The following LRRTM4 variants were observed in gnomAD, a reference collection of about 807,000 sequenced individuals.
The protein encoded by LRRTM4 is leucine-rich repeat transmembrane neuronal protein 4.
A neutral mutation model predicts 47.6 loss-of-function variants in LRRTM4; 25 were observed. The observed-to-expected ratio is 0.53, with a 90% confidence interval of 0.38 to 0.73. The LOEUF is 0.73. Among genes scored for constraint, LRRTM4 ranks in the 30% least tolerant of loss-of-function variants. The pLI is 0.00. For synonymous variants in LRRTM4, 311 were observed against 269.5 expected (o/e 1.15, Z -1.51); for missense variants, 638 against 713.4 (o/e 0.89, Z 1.20).
At chr2:77,246,136 A>G (rs1435356613) in intron 3 of LRRTM4, among the ~76,000 whole-genome samples, 1 of 152,194 alleles carries the variant, frequency 6.6e-6, no homozygotes, top group African/African-American at 2.4e-5. Flanking sequence ...AGATATAAAC[A>G]TTTGCAAGTG....
intron 3 of LRRTM4, among the ~76,000 whole-genome samples, chr2:77,474,551 T>C (rs1677311668): frequency 1.3e-5 from 2 of 152,132 alleles, no homozygotes; most frequent in South Asian, 4.1e-4. Context: ...AAAACTTGTA[T>C]AAATTAAATT....
At chr2:77,409,199 G>A (rs1425086958) in intron 3 of LRRTM4, among the ~76,000 whole-genome samples, 3 of 141,224 alleles carry the variant, frequency 2.1e-5, no homozygotes, top group South Asian at 2.4e-4. Context: ...ATACAACATC[G>A]TTTATTCAGT....
chr2:77,385,726 A>G (rs978413942), intron 3 of LRRTM4, among the ~76,000 whole-genome samples: 3 of 144,308 alleles, frequency 2.1e-5, no homozygotes, highest in Admixed American at 6.9e-5. Context: ...TAATATATTT[A>G]TGTAGTACAT....
chr2:77,057,173 T>C (rs1443303721), intron 3 of LRRTM4, among the ~76,000 whole-genome samples: 1 of 152,196 alleles, frequency 6.6e-6, no homozygotes, highest in African/African-American at 2.4e-5. Flanking sequence ...ACATATACCA[T>C]GGTTCAGAAA....
At chr2:76,899,398 T>C (rs573599900) in intron 3 of LRRTM4, among the ~76,000 whole-genome samples, 1 of 150,790 alleles carries the variant, frequency 6.6e-6, no homozygotes, top group African/African-American at 2.4e-5. Flanking sequence ...TAAATACTAT[T>C]GAGAGGTAGG....
intron 3 of LRRTM4, among the ~76,000 whole-genome samples, chr2:77,327,613 T>C (rs1670825345): frequency 6.6e-6 from 1 of 152,152 alleles, no homozygotes; most frequent in African/African-American, 2.4e-5. Flanking sequence ...TTCTTATTCT[T>C]TTATGTAATT....
intron 3 of LRRTM4, among the ~76,000 whole-genome samples, chr2:77,039,145 AT>A (rs1284826362): frequency 1.3e-5 from 2 of 151,334 alleles, no homozygotes; most frequent in Non-Finnish European, 1.5e-5. Context: ...AAAATAAGAT[AT>A]TACATACCTA....
chr2:76,864,907 T>A (rs961274289), intron 3 of LRRTM4, among the ~76,000 whole-genome samples: 6 of 137,598 alleles, frequency 4.4e-5, no homozygotes, highest in Admixed American at 1.4e-4. Context: ...TTTTTTTTTT[T>A]AATTTTTTTT....
intron 3 of LRRTM4, among the ~76,000 whole-genome samples, chr2:76,952,408 G>C (rs1396773984): frequency 6.6e-6 from 1 of 151,876 alleles, no homozygotes; most frequent in Admixed American, 6.6e-5. Flanking sequence ...CTCAAAAGAA[G>C]GCATACGTGT....
intron 3 of LRRTM4, among the ~76,000 whole-genome samples, chr2:77,270,984 A>C (rs1351664223): frequency 6.6e-6 from 1 of 152,208 alleles, no homozygotes; most frequent in Non-Finnish European, 1.5e-5. Context: ...CCCCAGGCTC[A>C]GTCGGTAGAG....
chr2:76,874,182 T>C (rs1672716175), intron 3 of LRRTM4, among the ~76,000 whole-genome samples: 1 of 151,928 alleles, frequency 6.6e-6, no homozygotes, highest in Admixed American at 6.6e-5. Context: ...TCACTCTGTG[T>C]CTGCCTAAAT....
intron 3 of LRRTM4, among the ~76,000 whole-genome samples, chr2:77,200,656 T>C (rs1324763128): frequency 2.0e-5 from 3 of 152,112 alleles, no homozygotes; most frequent in African/African-American, 7.2e-5. Flanking sequence ...CTTCACTCAT[T>C]ATTTTTTTCA....
At position 77,099,504 on chromosome 2, in the gene LRRTM4, A is replaced by C. The variant is rs1386268067; in HGVS notation, c.1552-350588T>G. 2.6e-5 allele frequency among the ~76,000 whole-genome samples: 4 copies of C among 152,050 alleles called. No homozygotes were observed. In the East Asian group the frequency reaches 7.7e-4, roughly 29 times the overall value. ...ATAAGATATGTTAATAATCTTAAGC[A>C]AACTCCAGAAAATAATTACATTCAG... On this transcript the variant is annotated intron_variant, in intron 3 of 3. Transcript: ENST00000409884.
intron 3 of LRRTM4, among the ~76,000 whole-genome samples, chr2:77,259,888 C>G (rs185897121): frequency 3.0e-4 from 45 of 152,102 alleles, no homozygotes; most frequent in Non-Finnish European, 6.0e-4. Flanking sequence ...AATAAATCAG[C>G]CCATGTCAAG....
chr2:77,111,277 C>G (rs1333571818), intron 3 of LRRTM4, among the ~76,000 whole-genome samples: 2 of 135,172 alleles, frequency 1.5e-5, no homozygotes, highest in East Asian at 4.6e-4. Context: ...GTCACCACAC[C>G]TGGCTATTTT....
intron 3 of LRRTM4, among the ~76,000 whole-genome samples, chr2:77,168,272 A>T (rs1388368299): frequency 2.0e-5 from 3 of 151,928 alleles, no homozygotes; most frequent in Non-Finnish European, 4.4e-5. Context: ...ATGTATCTTT[A>T]TTTTTCTAAC....
At chr2:77,424,602 C>A (rs1404954501) in intron 3 of LRRTM4, among the ~76,000 whole-genome samples, 1 of 152,178 alleles carries the variant, frequency 6.6e-6, no homozygotes, top group African/African-American at 2.4e-5. Context: ...TAGCAACTTT[C>A]TGATGGGTGA....
chr2:76,753,127 G>T (rs1672907589), intron 3 of LRRTM4, among the ~76,000 whole-genome samples: 1 of 152,160 alleles, frequency 6.6e-6, no homozygotes, highest in Non-Finnish European at 1.5e-5. Context: ...TTCAGGGATA[G>T]TTTAAATCTG....
intron 2 of LRRTM4, 41 bp downstream of exon 2, chr2:77,521,627 G>T (rs1434729831): frequency 1.2e-6 from 2 of 1,611,192 alleles, no homozygotes; most frequent in African/African-American, 1.3e-5. Context: ...AAGCCAAGAG[G>T]ATCAGCTTTG....
Sources: gnomAD v4.1 joint callset for allele counts (sites outside exome capture counted in the v4.1 genomes callset) on GRCh38, gnomAD v4.1.1 for gene constraint, MANE v1.5 for transcripts, NCBI Gene and HGNC (gene_info 2026-07-23, HGNC 2026-07-21) for gene names.